Variants in ZNF573 observed in about 807,000 individuals in gnomAD.
ZNF573 encodes zinc finger protein 573.
Under a neutral mutation model 57.4 loss-of-function variants are expected in ZNF573, and 41 were observed. The ratio of observed to expected loss-of-function variants is 0.71; its 90% CI spans 0.56 to 0.93. The LOEUF (loss-of-function observed/expected upper bound fraction) is 0.93. ZNF573 is among the 40% of genes least tolerant of loss of function. The pLI, the probability that ZNF573 is intolerant of heterozygous loss-of-function variation, is 0.00. For synonymous variants in ZNF573, 249 were observed against 261.0 expected (o/e 0.95, Z 0.44); for missense variants, 730 against 794.8 (o/e 0.92, Z 0.98).
In ZNF573 at chr19:37,740,042, T is replaced by C; in HGVS notation, c.448A>G (p.Ile150Val). 1 of 1,614,136 alleles carries C rather than the reference T, an allele frequency of 6.2e-7. No individual in the cohort carries two copies. The highest frequency in any genetic ancestry group is 1.1e-5 in the South Asian group (1 of 91,080). ...ATGACATGAAACCTGTGATGTAGAA[T>C]AAGTTGATAACCACTACTAAATTTC... is the stretch of plus-strand genomic sequence containing the variant. The part of the protein sequence containing the change: ...QKKFSSGYQL[I>V]LHHRFHVIER... Residue 150 changes from isoleucine to valine, a missense_variant, in exon 5 of 5, where the codon ATT becomes GTT. Physicochemically the swap from Ile to Val is conservative, Grantham distance 29 (BLOSUM62 3). Transcript: ENST00000536220.
chr19:37,746,680 A>C (rs1345683109), intron 4 of ZNF573, among the ~76,000 whole-genome samples: 1 of 152,050 alleles, frequency 6.6e-6, no homozygotes, highest in African/African-American at 2.4e-5. Context: ...CCCGAGTTCA[A>C]GCGATTATCC....
intron 4 of ZNF573, chr19:37,759,060 A>G (rs914867919): frequency 1.6e-5 from 9 of 549,238 alleles, no homozygotes; most frequent in Non-Finnish European, 2.1e-5. Context: ...TATTTTCAGC[A>G]CTTTGGGAAG....
At chr19:37,756,559 A>G (rs1223333544) in intron 4 of ZNF573, among the ~76,000 whole-genome samples, 1 of 152,146 alleles carries the variant, frequency 6.6e-6, no homozygotes, top group Non-Finnish European at 1.5e-5. Flanking sequence ...TATTACTAAT[A>G]TTAATGACTC....
intron 4 of ZNF573, among the ~76,000 whole-genome samples, chr19:37,760,559 C>T (rs1599698357): frequency 6.6e-6 from 1 of 152,168 alleles, no homozygotes; most frequent in African/African-American, 2.4e-5. Flanking sequence ...TGCGGTGGCT[C>T]AAGCCTGTAA....
chr19:37,770,860 A>ATATATATATATATATATG lies in ZNF573; in HGVS notation c.202+703_202+704insCATATATATATATATATA, dbSNP rs1568424276. On this transcript the variant is annotated intron_variant, in intron 3 of 4. Transcript: ENST00000536220. ...TATATATATATATATATATATATAT[A>ATATATATATATATATATG]TATATATATATATTCCCCCTCCCTT... Among the ~76,000 whole-genome samples, 64 of 101,082 alleles carry ATATATATATATATATATG rather than the reference A, an allele frequency of 6.3e-4. 2 individuals are homozygous for ATATATATATATATATATG. The highest frequency in any genetic ancestry group is 4.2e-3 in the Admixed American group (41 of 9,744). 66.3% of individuals were successfully genotyped at this position (101,082 alleles called of 152,430 possible).
intron 4 of ZNF573, chr19:37,758,614 A>C (rs1228535501): frequency 7.3e-6 from 1 of 137,734 alleles, no homozygotes; most frequent in Non-Finnish European, 1.6e-5. Context: ...AAAAAAAAAA[A>C]GGAAAAAAAA....
chr19:37,748,236 GGA>G (rs2045400310), intron 4 of ZNF573, among the ~76,000 whole-genome samples: 1 of 152,144 alleles, frequency 6.6e-6, no homozygotes, highest in Non-Finnish European at 1.5e-5. Context: ...AAATCCCAAT[GGA>G]GAGTCTCATG....
chr19:37,766,241 T>C lies in ZNF573; in HGVS notation c.295+3764A>G, dbSNP rs75253550. The stretch of plus-strand genomic sequence containing the variant: ...CATCCAGGCATTGAGCATAAATGAC[T>C]GCTAAAAATCACAGAGAGACAACCA... On this transcript the variant is annotated intron_variant, in intron 4 of 4. Transcript: ENST00000536220. 3.4e-3 allele frequency among the ~76,000 whole-genome samples: 514 copies of C among 149,026 alleles called. 1 individual carries two copies. Among genetic ancestry groups the C allele is most frequent in the African/African-American group, 0.012 (485 of 40,148 alleles).
intron 4 of ZNF573, among the ~76,000 whole-genome samples, chr19:37,760,351 A>G (rs540635107): frequency 3.3e-5 from 5 of 152,014 alleles, no homozygotes; most frequent in Non-Finnish European, 7.4e-5. Flanking sequence ...AAAGGTGAGC[A>G]GGTTGAAAAG....
At chr19:37,768,771 T>C (rs1408531747) in intron 4 of ZNF573, among the ~76,000 whole-genome samples, 1 of 151,908 alleles carries the variant, frequency 6.6e-6, no homozygotes, top group African/African-American at 2.4e-5. Flanking sequence ...GTTCATGCCA[T>C]TCTCCTGCCT....
intron 4 of ZNF573, among the ~76,000 whole-genome samples, chr19:37,762,347 C>T (rs2045560510): frequency 1.3e-5 from 2 of 152,112 alleles, no homozygotes; most frequent in Admixed American, 1.3e-4. Flanking sequence ...AAGGACATTA[C>T]TGGGATAATT....
Position 37,739,304 on chromosome 19 carries a change from T to C in ZNF573, c.1186A>G (p.Thr396Ala). Reference protein sequence around the residue: ...FECKQCGKTYTTGSKLFQHQK... With the variant: ...FECKQCGKTYATGSKLFQHQK... Reference sequence around the variant, plus strand: ...TGTTGAAAGAGTTTTGAACCAGTAGTATAGGTCTTCCCACATTGCTTGCAT... The same window carrying C: ...TGTTGAAAGAGTTTTGAACCAGTAGCATAGGTCTTCCCACATTGCTTGCAT... Residue 396 changes from threonine to alanine, a missense_variant, in exon 5 of 5, where the codon ACT (threonine) becomes GCT (alanine). Physicochemically the swap from Thr to Ala is moderately conservative, Grantham distance 58. Coordinates refer to ENST00000536220, the MANE Select transcript of ZNF573 (RefSeq NM_001172690.2). 1 of 1,614,044 alleles carries C rather than the reference T, an allele frequency of 6.2e-7. No homozygotes were observed. Among genetic ancestry groups the C allele is most frequent in the Non-Finnish European group, 8.5e-7 (1 of 1,179,998 alleles).
At chr19:37,761,646 A>C (rs1314344452) in intron 4 of ZNF573, among the ~76,000 whole-genome samples, 1 of 152,190 alleles carries the variant, frequency 6.6e-6, no homozygotes, top group East Asian at 1.9e-4. Context: ...GAAGGAAGGA[A>C]TACGTGTTCT....
chr19:37,771,564 C>A lies in ZNF573; in HGVS notation c.202G>T (p.Gly68Ter). 6.2e-7 allele frequency: 1 copy of A among 1,609,312 alleles called. No homozygotes were observed. Among genetic ancestry groups the A allele is most frequent in the Non-Finnish European group, 8.5e-7 (1 of 1,177,964 alleles). ...LENYRNLVSL[G>*]GHSISKPVVV... is the part of the protein sequence containing the mutation. ...AATTACTTGAGGCAAATAAACTTAC[C>A]CAGTGATACCAGGTTTCTATAGTTC... The change falls in exon 3 of 5, where the codon GGA (glycine) becomes TGA (stop). Residue 68 changes from glycine (G) to a stop codon, truncating the protein, a stop_gained and splice_region_variant. Coordinates refer to ENST00000536220, the MANE Select transcript of ZNF573 (RefSeq NM_001172690.2). LOFTEE classifies it high-confidence loss of function.
At position 37,738,884 on chromosome 19, in the gene ZNF573, TA is replaced by T; in HGVS notation, c.1605del (p.Phe535LeufsTer129). The T allele has an allele frequency of 6.2e-7, 1 of 1,610,312 alleles. No individual in the cohort carries two copies. The highest frequency in any genetic ancestry group is 8.5e-7 in the Non-Finnish European group (1 of 1,178,972). ...PYECKVCRKTFTFYRNLTLHQ... is the reference protein window; with the variant it reads ...PYECKVCRKTXTFYRNLTLHQ... Reference sequence around the variant, plus strand: ...TGTAGAGTAAGATTTCTATAGAAAGTAAAGGTTTTTCTACATACCTTACATT... The same window carrying T: ...TGTAGAGTAAGATTTCTATAGAAAGTAAGGTTTTTCTACATACCTTACATT... On this transcript the variant is annotated frameshift_variant, in exon 5 of 5. Transcript: ENST00000536220. LOFTEE classifies it high-confidence loss of function.
intron 1 of ZNF573, among the ~76,000 whole-genome samples, chr19:37,777,728 GC>G (rs893553356): frequency 8.1e-5 from 11 of 136,124 alleles, no homozygotes; most frequent in Admixed American, 6.9e-4. Flanking sequence ...CATAGAGCAA[GC>G]CTTTGTCATA....
intron 3 of ZNF573, among the ~76,000 whole-genome samples, chr19:37,770,972 G>A (rs1048469265): frequency 6.7e-6 from 1 of 148,624 alleles, no homozygotes; most frequent in African/African-American, 2.5e-5. Context: ...AAAGCATCCC[G>A]ACTGATATAT....
intron 4 of ZNF573, among the ~76,000 whole-genome samples, chr19:37,740,863 T>C (rs2145274712): frequency 6.6e-6 from 1 of 152,330 alleles, no homozygotes; most frequent in Middle Eastern, 3.4e-3. Context: ...TCTTCCTGTA[T>C]ACTTTAAATC....
chr19:37,767,640 T>TAGTA (rs1471688093), intron 4 of ZNF573, among the ~76,000 whole-genome samples: 1 of 152,194 alleles, frequency 6.6e-6, no homozygotes, highest in Non-Finnish European at 1.5e-5. Context: ...ACCTCTTGAC[T>TAGTA]TACTGGCTGT....
Sources: allele counts gnomAD v4.1 joint callset (sites outside exome capture counted in the v4.1 genomes callset), GRCh38; gene constraint gnomAD v4.1.1; transcripts MANE v1.5; gene names NCBI Gene and HGNC (gene_info 2026-07-23, HGNC 2026-07-21).